The following LMO3 variants were observed in gnomAD, a reference collection of about 807,000 sequenced individuals.
LMO3 encodes LIM domain only protein 3.
LMO3 carries 2 observed loss-of-function variants against 15.8 expected under a neutral mutation model. That is an observed-to-expected ratio of 0.13 (90% CI 0.05 to 0.40). LMO3 has a LOEUF of 0.40. Ranked by LOEUF, LMO3 falls within the 10% of genes least tolerant of loss-of-function variation. The probability of loss-of-function intolerance (pLI) is 0.99; values close to 1 mark genes in which losing one functional copy is unlikely to be tolerated. For synonymous variants in LMO3, 62 were observed against 63.8 expected, an observed-to-expected ratio of 0.97 and a Z score of 0.13; for missense variants, 86 against 182.2, an observed-to-expected ratio of 0.47 and a Z score of 3.04.
intron 2 of LMO3, among the ~76,000 whole-genome samples, chr12:16,569,702 G>A (rs967562543): frequency 6.6e-6 from 1 of 152,062 alleles, no homozygotes; most frequent in Non-Finnish European, 1.5e-5. Flanking sequence ...TTTGTTGCTA[G>A]AATAAAAGAA....
Position 16,586,015 on chromosome 12 carries a change from GT to G in LMO3, c.206+14639del, listed in dbSNP as rs1263456440. Among the ~76,000 whole-genome samples, 1 of 152,134 alleles carries G rather than the reference GT, an allele frequency of 6.6e-6. No individual in the cohort carries two copies. Among genetic ancestry groups the G allele is most frequent in the African/African-American group, 2.4e-5 (1 of 41,438 alleles). On this transcript the variant is annotated intron_variant, in intron 2 of 3. Coordinates refer to ENST00000537304, the MANE Select transcript of LMO3 (RefSeq NM_018640.5). This position sits in a 1 kb window ranked among gnomAD's most constrained non-coding sequence, Gnocchi z 4.3. ...CCAATAGCATCCTTAGGACACTGAT[GT>G]TTTTGCAGCTGTTAATGAAAATCTT... is the stretch of plus-strand genomic sequence containing the variant.
chr12:16,592,675 TAAAC>T (rs1378993404), intron 2 of LMO3, among the ~76,000 whole-genome samples: 4 of 151,872 alleles, frequency 2.6e-5, no homozygotes, highest in Non-Finnish European at 4.4e-5. Flanking sequence ...GAGCAGCTAA[TAAAC>T]AAAAAATAAG....
Position 16,550,940 on chromosome 12 carries a change from T to C in LMO3, c.*282A>G. 2.9e-6 allele frequency: 1 copy of C among 345,246 alleles called. No homozygotes were observed. Among genetic ancestry groups the C allele is most frequent in the Non-Finnish European group, 5.4e-6 (1 of 185,796 alleles). 21.4% of individuals were successfully genotyped at this position (345,246 alleles called of 1,614,324 possible). A position where few individuals can be genotyped will look rare whatever the true frequency, so the allele number is the denominator to read the frequency against. On this transcript the variant is annotated 3_prime_UTR_variant, in exon 4 of 4. Coordinates refer to ENST00000537304, the MANE Select transcript of LMO3 (RefSeq NM_018640.5). The stretch of plus-strand genomic sequence containing the variant: ...TATTACAATACATTATATACAATAG[T>C]CCAAAATAAACATCTCATGCCAAGT...
chr12:16,583,865 G>T lies in LMO3; in HGVS notation c.206+16790C>A, dbSNP rs181120345. ...GGGTTCATAGTGGGCAGGAAAGATA[G>T]AAGTCTTAAAGGTTTGACCAAATTA... On this transcript the variant is annotated intron_variant, in intron 2 of 3. Transcript: ENST00000537304. Among the ~76,000 whole-genome samples, 37 of 152,256 alleles carry T rather than the reference G, an allele frequency of 2.4e-4. No individual in the cohort carries two copies. In the East Asian group the frequency reaches 4.8e-3, roughly 20 times the overall value.
rs1012667841 is a variant in LMO3, at chr12:16,560,607, G to C, written c.207-69C>G. On this transcript the variant is annotated intron_variant, in intron 2 of 3. Transcript: ENST00000537304. The surrounding 1 kb of genome is among the most constrained non-coding windows in gnomAD (Gnocchi z 5.0). ...GAAATCTGAGATCGTGAAGAGAGAT[G>C]ATGTTAATATACTCTGTAAAGCTAC... 50 of 1,401,182 alleles carry C rather than the reference G, an allele frequency of 3.6e-5. No homozygotes were observed. Among genetic ancestry groups the C allele is most frequent in the Non-Finnish European group, 4.6e-5 (46 of 1,004,264 alleles). The allele number at this position is 1,401,182 out of a possible 1,614,324, so 86.8% of individuals were successfully genotyped here.
At chr12:16,605,799 T>C (rs1012530009) in intron 1 of LMO3, 1 of 1,535,582 alleles carries the variant, frequency 6.5e-7, no homozygotes, top group Non-Finnish European at 8.7e-7. Flanking sequence ...CCGCTCTCCC[T>C]CCTTCCATCA....
At chr12:16,600,291 C>CAAAAAAAAAAAAAAAAAAAAAA (rs35993210) in intron 2 of LMO3, 5 of 69,676 alleles carry the variant, frequency 7.2e-5, no homozygotes, top group Admixed American at 1.8e-4. Context: ...CCTTAAGCTC[C>CAAAAAAAAAAAAAAAAAAAAAA]AAAAAAAAAA....
In LMO3 at chr12:16,582,776, G is replaced by A. The variant is rs150372214; in HGVS notation, c.206+17879C>T. 0.013 allele frequency among the ~76,000 whole-genome samples: 1,995 copies of A among 152,240 alleles called. 23 individuals are homozygous for A. The highest frequency in any genetic ancestry group is 0.037 in the Middle Eastern group (11 of 294). On this transcript the variant is annotated intron_variant, in intron 2 of 3. Transcript: ENST00000537304. The surrounding 1 kb of genome is among the most constrained non-coding windows in gnomAD (Gnocchi z 4.1). ...AAAGAATCAGAACTAGGCCGGGCACGGTGGCCCATGCCTGTAATCCCAGCA... is the reference window on the plus strand; with the variant it reads ...AAAGAATCAGAACTAGGCCGGGCACAGTGGCCCATGCCTGTAATCCCAGCA...
chr12:16,570,445 A>C (rs1942776724), intron 2 of LMO3, among the ~76,000 whole-genome samples: 1 of 152,188 alleles, frequency 6.6e-6, no homozygotes, highest in Admixed American at 6.5e-5. Context: ...TCAAATACTG[A>C]AATTTTCAAC....
chr12:16,590,796 T>C (rs539680053), intron 2 of LMO3, among the ~76,000 whole-genome samples: 1 of 152,154 alleles, frequency 6.6e-6, no homozygotes, highest in South Asian at 2.1e-4. Flanking sequence ...TGCATCACTT[T>C]AAAATCAAAC....
chr12:16,586,045 C>G lies in LMO3; in HGVS notation c.206+14610G>C, dbSNP rs1224417729. ...TGCAGCTGTTAATGAAAATCTTCAA[C>G]ACAGGAAAACAGCAAAACCTTGATG... On this transcript the variant is annotated intron_variant, in intron 2 of 3. Coordinates refer to ENST00000537304, the MANE Select transcript of LMO3 (RefSeq NM_018640.5). This position sits in a 1 kb window ranked among gnomAD's most constrained non-coding sequence, Gnocchi z 4.3. Among the ~76,000 whole-genome samples the G allele has an allele frequency of 6.6e-6, 1 of 152,064 alleles. No individual in the cohort carries two copies. The highest frequency in any genetic ancestry group is 1.5e-5 in the Non-Finnish European group (1 of 68,000).
chr12:16,562,391 A>G (rs111413051), intron 2 of LMO3, among the ~76,000 whole-genome samples: 19 of 152,334 alleles, frequency 1.2e-4, no homozygotes, highest in African/African-American at 4.1e-4. Context: ...AACATGCGAT[A>G]AAGCCGTTTT....
chr12:16,589,800 T>G lies in LMO3; in HGVS notation c.206+10855A>C, dbSNP rs963925545. 2.0e-5 allele frequency among the ~76,000 whole-genome samples: 3 copies of G among 152,070 alleles called. No individual in the cohort carries two copies. Among genetic ancestry groups the G allele is most frequent in the African/African-American group, 7.2e-5 (3 of 41,412 alleles). ...CAACTCAATCTGGACAAGAAAAGCA[T>G]CTGCCAGGAAGAACAGAGGGGGACT... On this transcript the variant is annotated intron_variant, in intron 2 of 3. Coordinates refer to ENST00000537304, the MANE Select transcript of LMO3 (RefSeq NM_018640.5). This position sits in a 1 kb window ranked among gnomAD's most constrained non-coding sequence, Gnocchi z 4.2.
chr12:16,597,518 G>GAAGTGTATT lies in LMO3; in HGVS notation c.206+3128_206+3136dup, dbSNP rs1355576327. ...TTCTTTCTTTCTGTTTATGGAGGGA[G>GAAGTGTATT]AAGTGTATTAAGAAGCTAAATGTAA... On this transcript the variant is annotated intron_variant, in intron 2 of 3. Coordinates refer to ENST00000537304, the MANE Select transcript of LMO3 (RefSeq NM_018640.5). This position sits in a 1 kb window ranked among gnomAD's most constrained non-coding sequence, Gnocchi z 5.0. 3.3e-5 allele frequency: 5 copies of GAAGTGTATT among 151,758 alleles called. No homozygotes were observed. The highest frequency in any genetic ancestry group is 5.9e-5 in the Non-Finnish European group (4 of 67,766). 9.4% of individuals were successfully genotyped at this position (151,758 alleles called of 1,614,324 possible). A position where few individuals can be genotyped will look rare whatever the true frequency, so the allele number is the denominator to read the frequency against.
In LMO3 at chr12:16,591,385, C is replaced by T. The variant is rs1297484904; in HGVS notation, c.206+9270G>A. On this transcript the variant is annotated intron_variant, in intron 2 of 3. Coordinates refer to ENST00000537304, the MANE Select transcript of LMO3 (RefSeq NM_018640.5). The surrounding 1 kb of genome is among the most constrained non-coding windows in gnomAD (Gnocchi z 4.1). ...AGTGAGGCTGTCTGCACCCCCTCCA[C>T]ACAAACCAAAATTCTACAAACCTCT... Among the ~76,000 whole-genome samples, 7 of 152,054 alleles carry T rather than the reference C, an allele frequency of 4.6e-5. No individual in the cohort carries two copies. Among genetic ancestry groups the T allele is most frequent in the Non-Finnish European group, 1.0e-4 (7 of 67,972 alleles).
Position 16,602,711 on chromosome 12 carries a change from T to C in LMO3, c.-8-1843A>G, listed in dbSNP as rs573863394. Among the ~76,000 whole-genome samples the C allele has an allele frequency of 1.9e-4, 29 of 152,314 alleles. 1 individual carries two copies. In the South Asian group the frequency reaches 5.8e-3, roughly 31 times the overall value. ...TCTAGAACTTCTAACAAATGAAGTT[T>C]CTTTGATCAGAACTAGTTATCCTCT... On this transcript the variant is annotated intron_variant, in intron 1 of 3. Transcript: ENST00000537304.
intron 1 of LMO3, among the ~76,000 whole-genome samples, chr12:16,601,401 A>G (rs1341684014): frequency 6.6e-6 from 1 of 152,218 alleles, no homozygotes; most frequent in Non-Finnish European, 1.5e-5. Flanking sequence ...TTAAGTACAC[A>G]GAACAGCTAC....
In LMO3 at chr12:16,585,528, T is replaced by C. The variant is rs913011823; in HGVS notation, c.206+15127A>G. On this transcript the variant is annotated intron_variant, in intron 2 of 3. Transcript: ENST00000537304. This position sits in a 1 kb window ranked among gnomAD's most constrained non-coding sequence, Gnocchi z 4.7. Reference sequence around the variant, plus strand: ...TACATATAATTGCAGATTAGAAAACTAATTTCATCACAATCTCCCCTTTCC... The same window carrying C: ...TACATATAATTGCAGATTAGAAAACCAATTTCATCACAATCTCCCCTTTCC... Among the ~76,000 whole-genome samples, 7 of 152,334 alleles carry C rather than the reference T, an allele frequency of 4.6e-5. No homozygotes were observed. Among genetic ancestry groups the C allele is most frequent in the Admixed American group, 2.6e-4 (4 of 15,288 alleles).
At chr12:16,594,286 T>C in intron 2 of LMO3, 3 of 1,517,900 alleles carry the variant, frequency 2.0e-6, no homozygotes, top group Non-Finnish European at 2.6e-6. Flanking sequence ...GTGCCATGTG[T>C]CAGCAGAAGT....
Sources: allele counts gnomAD v4.1 joint callset (sites outside exome capture counted in the v4.1 genomes callset), GRCh38; gene constraint gnomAD v4.1.1; non-coding constraint Gnocchi (gnomAD v3.1); transcripts MANE v1.5; gene names NCBI Gene and HGNC (gene_info 2026-07-23, HGNC 2026-07-21).